The following INTS2 variants were observed in gnomAD, a reference collection of about 807,000 sequenced individuals.
INTS2 encodes the protein integrator complex subunit 2.
In INTS2, 57 loss-of-function variants were observed where a neutral mutation model predicts 139.6. That is an observed-to-expected ratio of 0.41 (90% CI 0.33 to 0.51). The LOEUF is 0.51. Among genes scored for constraint, INTS2 ranks in the 20% least tolerant of loss-of-function variants. The probability of loss-of-function intolerance (pLI) is 0.28; values close to 1 mark genes in which losing one functional copy is unlikely to be tolerated. For synonymous variants in INTS2, 473 were observed against 493.4 expected (o/e 0.96, Z 0.55); for missense variants, 1,196 against 1,436.7 (o/e 0.83, Z 2.71).
At chr17:61,906,698 G>A (rs2079466940) in intron 8 of INTS2, among the ~76,000 whole-genome samples, 1 of 152,010 alleles carries the variant, frequency 6.6e-6, no homozygotes, top group South Asian at 2.1e-4. Context: ...AAGAAACATT[G>A]TACTGGCCAG....
rs1485035805 is a variant in INTS2 at position 61,870,529 on chromosome 17, G to A, written c.2779-541C>T. 1.3e-5 allele frequency among the ~76,000 whole-genome samples: 2 copies of A among 152,078 alleles called. No individual in the cohort carries two copies. Among genetic ancestry groups the A allele is most frequent in the African/African-American group, 4.8e-5 (2 of 41,386 alleles). On this transcript the variant is annotated intron_variant, in intron 20 of 24. Transcript: ENST00000251334. The surrounding 1 kb of genome is among the most constrained non-coding windows in gnomAD (Gnocchi z 4.4). ...AACTCATTGCTCAGTCTACAGGCTT[G>A]AGCATCATTGCACAGAGCAGTAGCT...
chr17:61,923,263 A>G lies in INTS2; in HGVS notation c.433-1436T>C, dbSNP rs183622386. On this transcript the variant is annotated intron_variant, in intron 3 of 24. Coordinates refer to ENST00000251334, the MANE Select transcript of INTS2 (RefSeq NM_001351695.2). Reference sequence around the variant, plus strand: ...GAGGCCAAGGAGGGCGGATCACGAGATCAGGAGATCGAGACCATCCTGGCT... The same window carrying G: ...GAGGCCAAGGAGGGCGGATCACGAGGTCAGGAGATCGAGACCATCCTGGCT... 3.4e-3 allele frequency among the ~76,000 whole-genome samples: 512 copies of G among 150,810 alleles called. 3 individuals are homozygous for G. The highest frequency in any genetic ancestry group is 0.011 in the African/African-American group (437 of 41,086).
intron 5 of INTS2, among the ~76,000 whole-genome samples, chr17:61,915,065 G>A (rs916742651): frequency 4.0e-5 from 6 of 151,588 alleles, no homozygotes; most frequent in Non-Finnish European, 7.4e-5. Context: ...TTAGCCGGGC[G>A]CGGTGGCTCA....
intron 16 of INTS2, among the ~76,000 whole-genome samples, chr17:61,883,177 T>C (rs1036939420): frequency 3.3e-5 from 5 of 152,100 alleles, no homozygotes; most frequent in East Asian, 3.9e-4. Context: ...AGTATATCAA[T>C]TGCCAAATGC....
intron 3 of INTS2, among the ~76,000 whole-genome samples, chr17:61,922,561 A>G (rs1247824859): frequency 9.0e-6 from 1 of 111,120 alleles, no homozygotes; most frequent in Non-Finnish European, 1.9e-5. Context: ...TTCAATTCTG[A>G]ATAAACTGTT....
At chr17:61,906,246 TTC>T (rs1375236258) in intron 8 of INTS2, among the ~76,000 whole-genome samples, 2 of 152,176 alleles carry the variant, frequency 1.3e-5, no homozygotes, top group Admixed American at 1.3e-4. Flanking sequence ...GATTTTGAAT[TTC>T]TGTTAGGGAT....
At position 61,867,939 on chromosome 17, in the gene INTS2, T is replaced by C; in HGVS notation, c.3315A>G (p.Ala1105=). The change falls in exon 24 of 25, where the codon GCA becomes GCG. Residue 1105 remains alanine, a synonymous_variant. Coordinates refer to ENST00000251334, the MANE Select transcript of INTS2 (RefSeq NM_001351695.2). This position sits in a 1 kb window ranked among gnomAD's most constrained non-coding sequence, Gnocchi z 5.6. ...TLPSLVSFCR[A]FPPLYEDIMS... is the part of the protein sequence containing the mutation. ...TAATATCCTCATACAATGGAGGAAA[T>C]GCTCGACAAAAAGAGACCAAACTTG... The C allele has an allele frequency of 1.2e-6, 2 of 1,612,950 alleles. No individual in the cohort carries two copies. Among genetic ancestry groups the C allele is most frequent in the Non-Finnish European group, 1.7e-6 (2 of 1,179,488 alleles).
At chr17:61,923,373 A>C (rs1414357464) in intron 3 of INTS2, among the ~76,000 whole-genome samples, 1 of 144,534 alleles carries the variant, frequency 6.9e-6, no homozygotes, top group East Asian at 2.3e-4. Flanking sequence ...GCTACTCGGG[A>C]GGCTGAGACA....
In INTS2 at chr17:61,891,249, T is replaced by A. The variant is rs189499433; in HGVS notation, c.1875+264A>T. Among the ~76,000 whole-genome samples the A allele has an allele frequency of 3.0e-3, 457 of 151,328 alleles. 2 individuals carry two copies. The highest frequency in any genetic ancestry group is 0.011 in the African/African-American group (445 of 41,222). On this transcript the variant is annotated intron_variant, in intron 14 of 24. Transcript: ENST00000251334. ...GACAGAGGTTGCAGGGAGGAGGAGG[T>A]TGCAGTGAGCTGAGATCGCGCCACT...
chr17:61,927,978 G>T lies in INTS2; in HGVS notation c.-343C>A. On this transcript the variant is annotated 5_prime_UTR_variant, in exon 1 of 25. Transcript: ENST00000251334. The stretch of plus-strand genomic sequence containing the variant: ...TCTGACTCCCGTCGGCCACCGTACT[G>T]GTCTGAGAGGAAGGGTGGCTGCGAG... 1 of 1,612,452 alleles carries T rather than the reference G, an allele frequency of 6.2e-7. No individual in the cohort carries two copies. The highest frequency in any genetic ancestry group is 1.3e-5 in the African/African-American group (1 of 75,032).
rs574263694 is a variant in INTS2, at chr17:61,870,431, C to T, written c.2779-443G>A. 1.5e-4 allele frequency among the ~76,000 whole-genome samples: 23 copies of T among 152,240 alleles called. No homozygotes were observed. Among genetic ancestry groups the T allele is most frequent in the Middle Eastern group, 3.4e-3 (1 of 294 alleles). On this transcript the variant is annotated intron_variant, in intron 20 of 24. Coordinates refer to ENST00000251334, the MANE Select transcript of INTS2 (RefSeq NM_001351695.2). The surrounding 1 kb of genome is among the most constrained non-coding windows in gnomAD (Gnocchi z 4.4). ...TTTCCCAGTATGCTATCCTGATTTCCCTTTTTTTCAACCTGTTTAAGGCTC... is the reference window on the plus strand; with the variant it reads ...TTTCCCAGTATGCTATCCTGATTTCTCTTTTTTTCAACCTGTTTAAGGCTC...
intron 9 of INTS2, among the ~76,000 whole-genome samples, chr17:61,900,398 T>G (rs2079392548): frequency 6.6e-6 from 1 of 152,170 alleles, no homozygotes; most frequent in African/African-American, 2.4e-5. Context: ...CTGGAGGTGG[T>G]AAAATCATGC....
intron 7 of INTS2, among the ~76,000 whole-genome samples, chr17:61,908,355 C>A (rs1394750775): frequency 6.6e-6 from 1 of 152,120 alleles, no homozygotes; most frequent in Non-Finnish European, 1.5e-5. Context: ...GCGGAGGTTA[C>A]AATGAGTCAA....
In INTS2 at chr17:61,866,226, G is replaced by A. The variant is rs946403714; in HGVS notation, c.*1331C>T. 1.4e-4 allele frequency: 21 copies of A among 152,014 alleles called. No individual in the cohort carries two copies. The highest frequency in any genetic ancestry group is 4.1e-4 in the African/African-American group (17 of 41,442). 9.4% of individuals were successfully genotyped at this position (152,014 alleles called of 1,614,324 possible). ...CTAAAAATACAAAAATACAGGTGGC[G>A]CGTGCCTGCAGTCCCAGCTACTCAG... On this transcript the variant is annotated 3_prime_UTR_variant, in exon 25 of 25. Transcript: ENST00000251334.
Position 61,921,825 on chromosome 17 carries a change from C to A in INTS2, c.435G>T (p.Val145=). The change falls in exon 4 of 25, where the codon GTG becomes GTT. Residue 145 remains valine (V), a splice_region_variant and synonymous_variant. Coordinates refer to ENST00000251334, the MANE Select transcript of INTS2 (RefSeq NM_001351695.2). ...LSELLAIMNK[V]SESNGEFFFK... Reference sequence around the variant, plus strand: ...AAAAAAATTCTCCGTTGGACTCAGACACCTTAAAAAAGAAAAAAAAAAGAT... The same window carrying A: ...AAAAAAATTCTCCGTTGGACTCAGAAACCTTAAAAAAGAAAAAAAAAAGAT... The A allele has an allele frequency of 1.3e-6, 2 of 1,524,252 alleles. No homozygotes were observed. Among genetic ancestry groups the A allele is most frequent in the Admixed American group, 2.0e-5 (1 of 50,760 alleles). 94.4% of individuals were successfully genotyped at this position (1,524,252 alleles called of 1,614,324 possible). A position where few individuals can be genotyped will look rare whatever the true frequency, so the allele number is the denominator to read the frequency against.
intron 9 of INTS2, among the ~76,000 whole-genome samples, chr17:61,904,256 T>C (rs907245490): frequency 2.0e-5 from 3 of 152,054 alleles, no homozygotes; most frequent in Admixed American, 6.6e-5. Flanking sequence ...TGTGCTATGA[T>C]CATACCCATG....
At chr17:61,892,615 A>G (rs915442272) in intron 13 of INTS2, among the ~76,000 whole-genome samples, 5 of 151,906 alleles carry the variant, frequency 3.3e-5, no homozygotes, top group African/African-American at 9.7e-5. Flanking sequence ...TGGGCAAAAT[A>G]GCGAGACCCT....
chr17:61,885,460 G>A (rs2079217935), intron 15 of INTS2, among the ~76,000 whole-genome samples: 1 of 149,786 alleles, frequency 6.7e-6, no homozygotes, highest in African/African-American at 2.5e-5. Flanking sequence ...TTTTGCCCAG[G>A]CTAGAGTGCA....
chr17:61,926,795 A>C (rs1377239014), intron 1 of INTS2, 133 bp from the exon 2 acceptor site: 1 of 730,550 alleles, frequency 1.4e-6, no homozygotes, highest in Non-Finnish European at 2.4e-6. Flanking sequence ...GGCACAATCA[A>C]GACAAGGCTT....
Sources: allele counts gnomAD v4.1 joint callset (sites outside exome capture counted in the v4.1 genomes callset), GRCh38; gene constraint gnomAD v4.1.1; non-coding constraint Gnocchi (gnomAD v3.1); transcripts MANE v1.5; gene names NCBI Gene and HGNC (gene_info 2026-07-23, HGNC 2026-07-21).